Variants in GLI3 observed in about 807,000 individuals in gnomAD.
GLI3 encodes the protein transcription activator GLI3.
GLI3 carries 20 observed loss-of-function variants against 100.8 expected under a neutral mutation model. The ratio of observed to expected loss-of-function variants is 0.20; its 90% CI spans 0.14 to 0.29. The LOEUF is 0.29. GLI3 is among the 10% of genes least tolerant of loss of function. GLI3 has a pLI of 1.00. For synonymous variants in GLI3, 938 were observed against 860.5 expected, an observed-to-expected ratio of 1.09 and a Z score of -1.58; for missense variants, 2,040 against 2,128.5, an observed-to-expected ratio of 0.96 and a Z score of 0.82.
intron 10 of GLI3, among the ~76,000 whole-genome samples, chr7:42,004,109 AG>A (rs1408332480): frequency 6.6e-6 from 1 of 152,216 alleles, no homozygotes; most frequent in Non-Finnish European, 1.5e-5. Flanking sequence ...AGGAGAAAGA[AG>A]GGCACTTCAT....
At chr7:42,058,944 T>G (rs1015479829) in intron 4 of GLI3, among the ~76,000 whole-genome samples, 1 of 152,190 alleles carries the variant, frequency 6.6e-6, no homozygotes, top group African/African-American at 2.4e-5. Flanking sequence ...CACTGTAACA[T>G]GCAATGCACT....
intron 10 of GLI3, among the ~76,000 whole-genome samples, chr7:42,002,351 T>C (rs1378912384): frequency 6.6e-6 from 1 of 152,220 alleles, no homozygotes; most frequent in Non-Finnish European, 1.5e-5. Context: ...AGTTGTTCTC[T>C]AACATAATCA....
At chr7:42,063,728 G>A (rs1784618598) in intron 4 of GLI3, among the ~76,000 whole-genome samples, 1 of 152,196 alleles carries the variant, frequency 6.6e-6, no homozygotes, top group African/African-American at 2.4e-5. Context: ...TGCTGTGACA[G>A]ACACTGTGTT....
intron 2 of GLI3, among the ~76,000 whole-genome samples, chr7:42,185,934 C>T (rs1787708391): frequency 6.6e-6 from 1 of 152,198 alleles, no homozygotes; most frequent in African/African-American, 2.4e-5. Context: ...ATTTCAGCAA[C>T]TCTTGGCACA....
intron 10 of GLI3, among the ~76,000 whole-genome samples, chr7:41,992,064 A>C (rs1229503378): frequency 1.3e-5 from 2 of 152,180 alleles, no homozygotes; most frequent in Non-Finnish European, 2.9e-5. Context: ...GCAGGTTTTA[A>C]GCAGGGCAAT....
chr7:42,138,486 C>A (rs536260026), intron 3 of GLI3, among the ~76,000 whole-genome samples: 1 of 152,278 alleles, frequency 6.6e-6, no homozygotes, highest in Admixed American at 6.5e-5. Flanking sequence ...ATCACAGACA[C>A]CAAGTTGGAG....
intron 13 of GLI3, among the ~76,000 whole-genome samples, chr7:41,971,560 T>C (rs148790063): frequency 3.9e-5 from 6 of 152,290 alleles, no homozygotes; most frequent in Middle Eastern, 3.4e-3. Flanking sequence ...CATGTCCTAT[T>C]AGTCTCCAAA....
chr7:42,047,763 T>C (rs1480918122), intron 5 of GLI3, among the ~76,000 whole-genome samples: 2 of 152,292 alleles, frequency 1.3e-5, no homozygotes, highest in South Asian at 2.1e-4. Context: ...AAGTCTAAGC[T>C]CATTTCCTTT....
At chr7:42,067,212 A>G (rs922231195) in intron 4 of GLI3, among the ~76,000 whole-genome samples, 1 of 152,164 alleles carries the variant, frequency 6.6e-6, no homozygotes, top group African/African-American at 2.4e-5. Flanking sequence ...TGGACTTACA[A>G]TTCTAAATTT....
chr7:42,030,693 T>C (rs1475432564), intron 7 of GLI3, among the ~76,000 whole-genome samples: 8 of 121,570 alleles, frequency 6.6e-5, no homozygotes, highest in African/African-American at 1.0e-4. Flanking sequence ...CTATTGTTGA[T>C]TTGTTTTTTT....
intron 2 of GLI3, among the ~76,000 whole-genome samples, chr7:42,188,977 T>C (rs907405423): frequency 6.6e-6 from 1 of 152,186 alleles, no homozygotes; most frequent in Non-Finnish European, 1.5e-5. Context: ...GAGTGTCCCC[T>C]AAAGTAATCT....
chr7:42,132,316 G>A (rs960118021), intron 3 of GLI3, among the ~76,000 whole-genome samples: 4 of 152,012 alleles, frequency 2.6e-5, no homozygotes, highest in South Asian at 2.1e-4. Context: ...TAGCCAGGAT[G>A]GTCTCGATCT....
chr7:41,969,333 A>ACACT (rs1233204063), intron 13 of GLI3, among the ~76,000 whole-genome samples: 1 of 152,132 alleles, frequency 6.6e-6, no homozygotes, highest in East Asian at 1.9e-4. Flanking sequence ...AAAGATAACT[A>ACACT]CACTCACTCG....
chr7:42,190,906 A>G (rs1160426476), intron 2 of GLI3, among the ~76,000 whole-genome samples: 2 of 152,192 alleles, frequency 1.3e-5, no homozygotes, highest in African/African-American at 2.4e-5. Context: ...GTCAAAGGAG[A>G]AAAATTATAT....
intron 2 of GLI3, among the ~76,000 whole-genome samples, chr7:42,153,110 A>G (rs987818811): frequency 9.2e-5 from 14 of 152,330 alleles, no homozygotes; most frequent in African/African-American, 3.1e-4. Flanking sequence ...CTAATGGTGA[A>G]TTGGGAATTC....
chr7:42,124,642 GT>G (rs923834044), intron 3 of GLI3, among the ~76,000 whole-genome samples: 3 of 152,166 alleles, frequency 2.0e-5, no homozygotes, highest in Non-Finnish European at 4.4e-5. Flanking sequence ...TCAAATGCTG[GT>G]CTCAAAGTTC....
At chr7:42,030,376 G>A (rs1414709372) in intron 7 of GLI3, among the ~76,000 whole-genome samples, 4 of 152,164 alleles carry the variant, frequency 2.6e-5, no homozygotes, top group African/African-American at 7.2e-5. Flanking sequence ...CTGGGGATTA[G>A]GATGTGGACA....
At chr7:42,208,742 T>C (rs567173250) in intron 2 of GLI3, among the ~76,000 whole-genome samples, 1 of 152,232 alleles carries the variant, frequency 6.6e-6, no homozygotes, top group South Asian at 2.1e-4. Flanking sequence ...TGCAAAGCAC[T>C]CTATGAGGAT....
intron 2 of GLI3, among the ~76,000 whole-genome samples, chr7:42,197,595 T>C (rs1787953170): frequency 6.6e-6 from 1 of 152,204 alleles, no homozygotes; most frequent in African/African-American, 2.4e-5. Flanking sequence ...GTCGTGCTAC[T>C]GGAGCACGGA....
Sources: allele counts gnomAD v4.1 joint callset (sites outside exome capture counted in the v4.1 genomes callset), GRCh38; gene constraint gnomAD v4.1.1; transcripts MANE v1.5; gene names NCBI Gene and HGNC (gene_info 2026-07-23, HGNC 2026-07-21).